IQSEC1: variants seen among roughly 807,000 people sequenced by gnomAD.
The protein encoded by IQSEC1 is IQ motif and Sec7 domain ArfGEF 1.
IQSEC1 carries 31 observed loss-of-function variants against 91.0 expected under a neutral mutation model. The ratio of observed to expected loss-of-function variants is 0.34; its 90% CI spans 0.26 to 0.46. IQSEC1 has a LOEUF of 0.46. Among genes scored for constraint, IQSEC1 ranks in the 20% least tolerant of loss-of-function variants. The probability of loss-of-function intolerance (pLI) is 1.00; values close to 1 mark genes in which losing one functional copy is unlikely to be tolerated. For synonymous variants in IQSEC1, 699 were observed against 662.6 expected (o/e 1.05, Z -0.84); for missense variants, 1,388 against 1,575.6 (o/e 0.88, Z 2.02).
intron 1 of IQSEC1, among the ~76,000 whole-genome samples, chr3:13,198,316 A>G (rs190478815): frequency 6.1e-4 from 93 of 152,152 alleles, no homozygotes; most frequent in African/African-American, 2.2e-3. Flanking sequence ...TAAACACAAA[A>G]TATTTAAAGA....
At chr3:13,061,409 G>A (rs1055283843) in intron 1 of IQSEC1, among the ~76,000 whole-genome samples, 1 of 152,226 alleles carries the variant, frequency 6.6e-6, no homozygotes, top group Admixed American at 6.5e-5. Context: ...AGGAAAAGAG[G>A]AAAGATAAAA....
intron 1 of IQSEC1, among the ~76,000 whole-genome samples, chr3:13,007,130 A>G (rs989382406): frequency 2.6e-5 from 4 of 152,186 alleles, no homozygotes; most frequent in Non-Finnish European, 5.9e-5. Context: ...GGTGGAGTGC[A>G]GGAGAGGAAG....
chr3:13,213,801 G>T (rs186342275), intron 1 of IQSEC1, among the ~76,000 whole-genome samples: 1 of 152,264 alleles, frequency 6.6e-6, no homozygotes, highest in East Asian at 1.9e-4. Flanking sequence ...GCTGCACATG[G>T]CTGCAAGGAA....
chr3:13,095,338 C>G lies in IQSEC1; in HGVS notation c.303-47816G>C, dbSNP rs148691251. Among the ~76,000 whole-genome samples the G allele has an allele frequency of 5.7e-4, 87 of 152,224 alleles. 1 individual carries two copies. The highest frequency in any genetic ancestry group is 1.8e-3 in the African/African-American group (75 of 41,528). ...ATGCACATTCTCGGGTCTACCCAGA[C>G]CTCCCAAGCAGAAACCCTGAGGTGG... is the stretch of plus-strand genomic sequence containing the variant. On this transcript the variant is annotated intron_variant, in intron 2 of 15. Coordinates refer to the IQSEC1 transcript ENST00000648114.
chr3:13,168,118 C>T (rs950365549), intron 1 of IQSEC1, among the ~76,000 whole-genome samples: 1 of 152,196 alleles, frequency 6.6e-6, no homozygotes, highest in East Asian at 1.9e-4. Context: ...CATCCAAGCT[C>T]GGTCCTGGAC....
chr3:13,270,364 T>C (rs533739221), intron 1 of IQSEC1, among the ~76,000 whole-genome samples: 2 of 152,366 alleles, frequency 1.3e-5, no homozygotes, highest in African/African-American at 4.8e-5. Context: ...CATTAAAACC[T>C]ACCCTGAGGC....
intron 2 of IQSEC1, among the ~76,000 whole-genome samples, chr3:13,152,853 G>C (rs753374561): frequency 1.3e-5 from 2 of 152,172 alleles, no homozygotes; most frequent in Non-Finnish European, 2.9e-5. Context: ...CTGGGTGATA[G>C]AGCAAGACTC....
At chr3:13,036,465 A>T (rs569312353) in intron 1 of IQSEC1, among the ~76,000 whole-genome samples, 13 of 150,410 alleles carry the variant, frequency 8.6e-5, no homozygotes, top group African/African-American at 2.8e-4. Context: ...AATTTTTTTT[A>T]AAAAGAAAAT....
upstream of IQSEC1, among the ~76,000 whole-genome samples, chr3:13,074,939 AG>A (rs1442589729): frequency 2.2e-4 from 34 of 152,322 alleles, no homozygotes; most frequent in African/African-American, 7.9e-4. Context: ...CTAGGACCCC[AG>A]TCTTCCAGCT....
At chr3:12,946,012 AC>A (rs1699154201) in intron 1 of IQSEC1, among the ~76,000 whole-genome samples, 2 of 152,264 alleles carry the variant, frequency 1.3e-5, no homozygotes, top group East Asian at 3.9e-4. Context: ...ACTCAGCTCT[AC>A]CCAGTTTCTT....
At chr3:13,016,192 C>A (rs1434097155) in intron 1 of IQSEC1, among the ~76,000 whole-genome samples, 1 of 152,250 alleles carries the variant, frequency 6.6e-6, no homozygotes, top group African/African-American at 2.4e-5. Flanking sequence ...GAGCCGCCAC[C>A]AGCCCATCCT....
intron 2 of IQSEC1, among the ~76,000 whole-genome samples, chr3:13,110,928 C>T (rs1348989373): frequency 1.3e-5 from 2 of 152,194 alleles, no homozygotes; most frequent in East Asian, 1.9e-4. Flanking sequence ...AATGACGATG[C>T]CTGGGGGGAA....
intron 1 of IQSEC1, among the ~76,000 whole-genome samples, chr3:12,963,928 T>C (rs1215124046): frequency 6.6e-6 from 1 of 152,262 alleles, no homozygotes. Flanking sequence ...ATGTGTGCAC[T>C]TGTTAACACC....
chr3:13,195,955 GTC>G (rs1157972055), intron 1 of IQSEC1, among the ~76,000 whole-genome samples: 1 of 152,216 alleles, frequency 6.6e-6, no homozygotes, highest in Admixed American at 6.5e-5. Context: ...ACGTGGGTCT[GTC>G]TGTATTATTT....
At chr3:13,202,102 G>C (rs1559276482) in intron 1 of IQSEC1, among the ~76,000 whole-genome samples, 1 of 152,228 alleles carries the variant, frequency 6.6e-6, no homozygotes, top group Non-Finnish European at 1.5e-5. Context: ...GCAAAAGTCT[G>C]TGCTGGCACC....
At chr3:13,180,083 C>T (rs1035717257) in intron 1 of IQSEC1, among the ~76,000 whole-genome samples, 9 of 142,744 alleles carry the variant, frequency 6.3e-5, no homozygotes, top group African/African-American at 2.1e-4. Flanking sequence ...ATCCACCACC[C>T]AAGGGCTGAG....
chr3:13,260,601 C>T (rs2125129127), intron 1 of IQSEC1, among the ~76,000 whole-genome samples: 1 of 152,300 alleles, frequency 6.6e-6, no homozygotes, highest in East Asian at 1.9e-4. Flanking sequence ...AGAAGCAGCA[C>T]CCCTCACCGA....
chr3:12,900,390 G>C lies in IQSEC1; in HGVS notation c.*593C>G, dbSNP rs951494993. The C allele has an allele frequency of 4.3e-5, 42 of 984,364 alleles. No individual in the cohort carries two copies. Among genetic ancestry groups the C allele is most frequent in the Non-Finnish European group, 4.9e-5 (41 of 829,770 alleles). The allele number at this position is 984,364 out of a possible 1,614,324, so 61.0% of individuals were successfully genotyped here. ...ATTAGGTAAGTGGAGCTCCTTGTAA[G>C]GTGGGTATTGCTAATGTGGACTGAA... is the stretch of plus-strand genomic sequence containing the variant. On this transcript the variant is annotated 3_prime_UTR_variant, in exon 14 of 14. Coordinates refer to ENST00000613206, the MANE Select transcript of IQSEC1 (RefSeq NM_001134382.3).
chr3:13,226,695 T>C (rs1177623145), intron 1 of IQSEC1, among the ~76,000 whole-genome samples: 1 of 152,174 alleles, frequency 6.6e-6, no homozygotes. Flanking sequence ...TGCCCCAGCA[T>C]GTCAGATCTT....
Sources: gnomAD v4.1 joint callset for allele counts (sites outside exome capture counted in the v4.1 genomes callset) on GRCh38, gnomAD v4.1.1 for gene constraint, MANE v1.5 for transcripts, NCBI Gene and HGNC (gene_info 2026-07-23, HGNC 2026-07-21) for gene names.